Variants in SLC5A4 observed in about 807,000 individuals in gnomAD.
SLC5A4 encodes solute carrier family 5 member 4.
In SLC5A4, 55 loss-of-function variants were observed where a neutral mutation model predicts 70.3. The observed-to-expected ratio is 0.78, with a 90% CI of 0.63 to 0.98. The LOEUF (loss-of-function observed/expected upper bound fraction) is 0.98. Among genes scored for constraint, SLC5A4 ranks in the 50% least tolerant of loss-of-function variants. The pLI, the probability that SLC5A4 is intolerant of heterozygous loss-of-function variation, is 0.00. For synonymous variants in SLC5A4, 268 were observed against 305.7 expected (o/e 0.88, Z 1.29); for missense variants, 735 against 839.2 (o/e 0.88, Z 1.53).
chr22:32,256,401 T>C (rs1299984478), upstream of SLC5A4, among the ~76,000 whole-genome samples: 2 of 152,210 alleles, frequency 1.3e-5, no homozygotes, highest in Non-Finnish European at 2.9e-5. Flanking sequence ...ATACTTCATT[T>C]TTTATTGTGG....
chr22:32,275,331 G>A, the SLC5A4 span, among the ~76,000 whole-genome samples: 271 of 152,192 alleles, frequency 1.8e-3, no homozygotes, highest in African/African-American at 6.2e-3. Flanking sequence ...CCATTAACTC[G>A]TCATTTAGCA....
At chr22:32,241,431 C>T (rs1487021127) in intron 5 of SLC5A4, among the ~76,000 whole-genome samples, 2 of 152,186 alleles carry the variant, frequency 1.3e-5, no homozygotes, top group Admixed American at 1.3e-4. Flanking sequence ...TGATGATACA[C>T]TAGTCTTATG....
the SLC5A4 span, among the ~76,000 whole-genome samples, chr22:32,308,806 G>A: frequency 1.3e-5 from 2 of 152,176 alleles, no homozygotes; most frequent in African/African-American, 4.8e-5. Flanking sequence ...CCATGCATGT[G>A]TGTGCATGCA....
chr22:32,263,688 C>T, the SLC5A4 span, among the ~76,000 whole-genome samples: 3 of 152,144 alleles, frequency 2.0e-5, no homozygotes, highest in African/African-American at 7.2e-5. Flanking sequence ...ACCCAGCAAT[C>T]CCATTACTGG....
chr22:32,222,376 C>CACT (rs1441526839), intron 13 of SLC5A4, among the ~76,000 whole-genome samples: 2 of 152,132 alleles, frequency 1.3e-5, no homozygotes, highest in Non-Finnish European at 2.9e-5. Context: ...CTCATTTCTG[C>CACT]ACTGGTAGGC....
chr22:32,249,635 A>T (rs913263753), intron 3 of SLC5A4, among the ~76,000 whole-genome samples: 7 of 152,200 alleles, frequency 4.6e-5, no homozygotes, highest in African/African-American at 1.4e-4. Context: ...TCAACCAGGG[A>T]ATGGTCTGTT....
At chr22:32,244,382 T>C (rs889657326) in intron 5 of SLC5A4, among the ~76,000 whole-genome samples, 3 of 152,240 alleles carry the variant, frequency 2.0e-5, no homozygotes, top group Non-Finnish European at 2.9e-5. Flanking sequence ...CCACAGCATT[T>C]TGACTTCATG....
intron 5 of SLC5A4, among the ~76,000 whole-genome samples, chr22:32,239,556 A>ATT (rs1569374868): frequency 1.4e-4 from 3 of 20,910 alleles, no homozygotes; most frequent in Non-Finnish European, 1.8e-4. Flanking sequence ...ATATATATAT[A>ATT]TATATATATA....
At chr22:32,220,860 C>G in intron 14 of SLC5A4, 60 bp downstream of exon 14, 1 of 1,079,886 alleles carries the variant, frequency 9.3e-7, no homozygotes, top group South Asian at 1.2e-5. Context: ...TAAAAGAAAA[C>G]CATAAACAAG....
the SLC5A4 span, among the ~76,000 whole-genome samples, chr22:32,353,867 A>T: frequency 6.7e-6 from 1 of 150,190 alleles, no homozygotes; most frequent in East Asian, 2.0e-4. Flanking sequence ...CTGATATGGC[A>T]CCCAAACCGC....
At chr22:32,289,422 T>C in the SLC5A4 span, among the ~76,000 whole-genome samples, 2 of 152,140 alleles carry the variant, frequency 1.3e-5, no homozygotes, top group Non-Finnish European at 2.9e-5. Context: ...GCTGTTCTCG[T>C]GAGAGTGAGT....
chr22:32,300,292 CTAG>C, the SLC5A4 span, among the ~76,000 whole-genome samples: 1 of 42,496 alleles, frequency 2.4e-5, no homozygotes, highest in Non-Finnish European at 5.4e-5. Context: ...GACTGCTGTG[CTAG>C]CTAGCAATCA....
chr22:32,288,486 C>T, the SLC5A4 span, among the ~76,000 whole-genome samples: 5 of 152,186 alleles, frequency 3.3e-5, no homozygotes, highest in Non-Finnish European at 7.3e-5. Flanking sequence ...GGAGTTTTCA[C>T]CAACCCACAT....
At chr22:32,273,724 T>G in the SLC5A4 span, among the ~76,000 whole-genome samples, 1 of 152,210 alleles carries the variant, frequency 6.6e-6, no homozygotes, top group Non-Finnish European at 1.5e-5. Context: ...CCTTTTTGAT[T>G]CTTTCAACTA....
chr22:32,322,302 G>T, the SLC5A4 span, among the ~76,000 whole-genome samples: 4 of 152,198 alleles, frequency 2.6e-5, no homozygotes, highest in East Asian at 3.9e-4. Flanking sequence ...GAAATGGCCA[G>T]AAGCAGGCCA....
chr22:32,259,519 G>A (rs939871436), upstream of SLC5A4, among the ~76,000 whole-genome samples: 4 of 151,934 alleles, frequency 2.6e-5, no homozygotes, highest in Non-Finnish European at 4.4e-5. Context: ...ATTTTCATAT[G>A]TTGAACTATC....
chr22:32,269,502 TG>T, the SLC5A4 span: 1 of 582,588 alleles, frequency 1.7e-6, no homozygotes, highest in Non-Finnish European at 3.3e-6. This position sits in a 1 kb window ranked among gnomAD's most constrained non-coding sequence, Gnocchi z 4.1. Context: ...CCCGGGCACG[TG>T]GCTGTGTGGC....
At chr22:32,287,128 A>C in the SLC5A4 span, among the ~76,000 whole-genome samples, 1 of 152,250 alleles carries the variant, frequency 6.6e-6, no homozygotes, top group Non-Finnish European at 1.5e-5. Flanking sequence ...CTAAGTTTTT[A>C]AGGACATTGT....
At chr22:32,339,083 T>C in the SLC5A4 span, among the ~76,000 whole-genome samples, 2 of 152,064 alleles carry the variant, frequency 1.3e-5, no homozygotes, top group Admixed American at 1.3e-4. Flanking sequence ...AAAGGTCAGG[T>C]AAAATCGCAG....
Sources: allele counts gnomAD v4.1 joint callset (sites outside exome capture counted in the v4.1 genomes callset), GRCh38; gene constraint gnomAD v4.1.1; non-coding constraint Gnocchi (gnomAD v3.1); transcripts MANE v1.5; gene names NCBI Gene and HGNC (gene_info 2026-07-23, HGNC 2026-07-21).